The following AGBL1 variants were observed in gnomAD, a reference collection of about 807,000 sequenced individuals.
AGBL1 encodes the protein cytosolic carboxypeptidase 4.
Under a neutral mutation model 118.9 loss-of-function variants are expected in AGBL1, and 130 were observed. That is an observed-to-expected ratio of 1.09 (90% CI 0.95 to 1.26). The LOEUF is 1.26. Ranked by LOEUF, AGBL1 falls within the 50% of genes most tolerant of loss-of-function variation. The pLI, the probability that AGBL1 is intolerant of heterozygous loss-of-function variation, is 0.00. For missense variants in AGBL1, 1,584 were observed against 1,298.1 expected, an observed-to-expected ratio of 1.22 and a Z score of -3.38; for synonymous variants, 555 against 478.9, an observed-to-expected ratio of 1.16 and a Z score of -2.08.
At chr15:86,890,203 G>C (rs1194098349) in intron 22 of AGBL1, among the ~76,000 whole-genome samples, 5 of 152,152 alleles carry the variant, frequency 3.3e-5, no homozygotes, top group Non-Finnish European at 7.4e-5. Flanking sequence ...CTTCTTTTGA[G>C]AAGTGTCTGT....
At chr15:86,182,115 G>T (rs1020576673) in intron 5 of AGBL1, among the ~76,000 whole-genome samples, 5 of 151,980 alleles carry the variant, frequency 3.3e-5, no homozygotes, top group African/African-American at 1.2e-4. Context: ...GAAATGGACT[G>T]GTTTCGGTGG....
chr15:86,638,127 G>T (rs1350718852), intron 21 of AGBL1, among the ~76,000 whole-genome samples: 1 of 151,968 alleles, frequency 6.6e-6, no homozygotes, highest in Non-Finnish European at 1.5e-5. Flanking sequence ...AACTGCTCCT[G>T]CCCTTTTGAA....
intron 9 of AGBL1, among the ~76,000 whole-genome samples, chr15:86,259,871 G>C (rs2078954884): frequency 6.6e-6 from 1 of 152,232 alleles, no homozygotes; most frequent in Non-Finnish European, 1.5e-5. Context: ...GGAGGGACCG[G>C]GTGCACGATA....
chr15:86,243,676 C>G (rs28413748), intron 6 of AGBL1, among the ~76,000 whole-genome samples: 7,684 of 152,082 alleles, frequency 0.051, 632 homozygotes, highest in African/African-American at 0.18. Flanking sequence ...CCTCAGAACT[C>G]TCTGTCCATT....
rs1329648798 is a variant in AGBL1, at chr15:86,556,233, G to A, written c.2994+1696G>A. 13 of 1,612,978 alleles carry A rather than the reference G, an allele frequency of 8.1e-6. No homozygotes were observed. The highest frequency in any genetic ancestry group is 1.1e-5 in the South Asian group (1 of 90,972). ...CTCTCTACTGTGCAGTGTACACAGA[G>A]GCTGTTGGAGAGGACAAAGAATGAA... On this transcript the variant is annotated intron_variant, in intron 21 of 22. Coordinates refer to ENST00000614907, the MANE Select transcript of AGBL1 (RefSeq NM_001386094.1).
intron 22 of AGBL1, among the ~76,000 whole-genome samples, chr15:86,863,764 CTG>C (rs1327226482): frequency 6.6e-6 from 1 of 152,150 alleles, no homozygotes; most frequent in African/African-American, 2.4e-5. Flanking sequence ...GTGATCATAT[CTG>C]TGCAACAGCT....
chr15:86,290,343 C>CTT (rs559169172), intron 16 of AGBL1, among the ~76,000 whole-genome samples: 115 of 134,338 alleles, frequency 8.6e-4, no homozygotes, highest in African/African-American at 2.9e-3. Context: ...TCTTTTCTTT[C>CTT]TTTTTTTTTT....
At chr15:86,207,714 T>A (rs1315197888) in intron 5 of AGBL1, among the ~76,000 whole-genome samples, 1 of 152,274 alleles carries the variant, frequency 6.6e-6, no homozygotes, top group Non-Finnish European at 1.5e-5. Flanking sequence ...TATTTTGGGC[T>A]GAGACAATGG....
intron 18 of AGBL1, among the ~76,000 whole-genome samples, chr15:86,478,469 A>C (rs1363328277): frequency 6.6e-6 from 1 of 152,226 alleles, no homozygotes; most frequent in Non-Finnish European, 1.5e-5. Context: ...TCATGAGTGA[A>C]CTGCCATTCA....
intron 18 of AGBL1, among the ~76,000 whole-genome samples, chr15:86,403,402 C>T (rs778692208): frequency 1.2e-4 from 19 of 152,042 alleles, no homozygotes; most frequent in Non-Finnish European, 2.8e-4. Context: ...AGTAAATACA[C>T]CAAGGTATTA....
intron 22 of AGBL1, among the ~76,000 whole-genome samples, chr15:86,700,875 T>C (rs1017392153): frequency 6.6e-6 from 1 of 152,088 alleles, no homozygotes; most frequent in Non-Finnish European, 1.5e-5. Flanking sequence ...TGTTAGTGTT[T>C]GGCCTGGTGT....
chr15:86,889,878 T>C (rs1467148802), intron 22 of AGBL1, among the ~76,000 whole-genome samples: 2 of 152,212 alleles, frequency 1.3e-5, no homozygotes, highest in Non-Finnish European at 2.9e-5. Context: ...ATCTTTGTAA[T>C]AGAATGATTT....
intron 18 of AGBL1, among the ~76,000 whole-genome samples, chr15:86,469,672 C>G (rs192638633): frequency 6.6e-6 from 1 of 151,922 alleles, no homozygotes; most frequent in Non-Finnish European, 1.5e-5. Context: ...TCTAGGATGC[C>G]GGTACCAATT....
chr15:86,143,434 AG>A (rs1430829568), intron 2 of AGBL1, among the ~76,000 whole-genome samples: 1 of 152,234 alleles, frequency 6.6e-6, no homozygotes, highest in Non-Finnish European at 1.5e-5. Context: ...AATATTCAAC[AG>A]AATCTCAGAT....
At chr15:86,709,227 C>T (rs1039504774) in intron 22 of AGBL1, among the ~76,000 whole-genome samples, 1 of 152,156 alleles carries the variant, frequency 6.6e-6, no homozygotes, top group Non-Finnish European at 1.5e-5. Context: ...ACTTTTCTTA[C>T]ATCAGTCTAT....
At chr15:86,185,770 G>A (rs906305106) in intron 5 of AGBL1, among the ~76,000 whole-genome samples, 10 of 151,174 alleles carry the variant, frequency 6.6e-5, no homozygotes, top group Non-Finnish European at 1.5e-4. Context: ...GTGGGGGGCT[G>A]GGGGAGGGAT....
intron 22 of AGBL1, among the ~76,000 whole-genome samples, chr15:86,807,658 C>T (rs1018476963): frequency 2.6e-5 from 4 of 152,006 alleles, no homozygotes; most frequent in Non-Finnish European, 5.9e-5. Flanking sequence ...GTAGGGTGAC[C>T]AGCTGGCCCA....
chr15:86,084,514 G>A (rs190684836), intron 1 of AGBL1, among the ~76,000 whole-genome samples: 1 of 152,344 alleles, frequency 6.6e-6, no homozygotes, highest in Admixed American at 6.5e-5. Context: ...AGTAAACCCT[G>A]AGATAAGAGA....
rs527810081 is a variant in AGBL1, at chr15:86,690,685, G to A, written c.3158+16249G>A. On this transcript the variant is annotated intron_variant, in intron 22 of 22. Transcript: ENST00000614907. ...GTAGTGTGTGGTAGGGTGTTGGAAGGTGATGCTGAAGGCACTGAATTATGG... is the reference window on the plus strand; with the variant it reads ...GTAGTGTGTGGTAGGGTGTTGGAAGATGATGCTGAAGGCACTGAATTATGG... 3.9e-5 allele frequency among the ~76,000 whole-genome samples: 6 copies of A among 152,258 alleles called. No homozygotes were observed. In the East Asian group the frequency reaches 1.2e-3, roughly 29 times the overall value.
Sources: allele counts gnomAD v4.1 joint callset (sites outside exome capture counted in the v4.1 genomes callset), GRCh38; gene constraint gnomAD v4.1.1; transcripts MANE v1.5; gene names NCBI Gene and HGNC (gene_info 2026-07-23, HGNC 2026-07-21).